MACROD2: variants seen among roughly 807,000 people sequenced by gnomAD.
MACROD2 encodes the protein mono-ADP ribosylhydrolase 2, also known as ADP-ribose glycohydrolase MACROD2.
MACROD2 carries 36 observed loss-of-function variants against 70.4 expected under a neutral mutation model. That is an observed-to-expected ratio of 0.51 (90% CI 0.39 to 0.68). MACROD2 has a LOEUF of 0.68. Among genes scored for constraint, MACROD2 ranks in the 30% least tolerant of loss-of-function variants. The probability of loss-of-function intolerance (pLI) is 0.00; values close to 1 mark genes in which losing one functional copy is unlikely to be tolerated. For missense variants in MACROD2, 496 were observed against 538.4 expected (o/e 0.92, Z 0.78); for synonymous variants, 172 against 178.8 (o/e 0.96, Z 0.30).
At chr20:15,193,439 T>A (rs1351771392) in intron 5 of MACROD2, among the ~76,000 whole-genome samples, 3 of 151,984 alleles carry the variant, frequency 2.0e-5, no homozygotes, top group Admixed American at 6.6e-5. Flanking sequence ...GGCCAGGAGT[T>A]TGAGACTAGC....
chr20:14,866,490 G>A (rs79223034), intron 5 of MACROD2, among the ~76,000 whole-genome samples: 2 of 152,054 alleles, frequency 1.3e-5, no homozygotes, highest in Non-Finnish European at 2.9e-5. Flanking sequence ...AAGTTGCAGT[G>A]GAAACAACAG....
chr20:14,855,657 G>C (rs1483684391), intron 5 of MACROD2, among the ~76,000 whole-genome samples: 1 of 101,950 alleles, frequency 9.8e-6, no homozygotes, highest in Non-Finnish European at 1.8e-5. Context: ...CTTATCTCTT[G>C]GTTTGACTGG....
chr20:14,784,140 G>T (rs970105677), intron 5 of MACROD2, among the ~76,000 whole-genome samples: 9 of 152,022 alleles, frequency 5.9e-5, no homozygotes, highest in Non-Finnish European at 1.2e-4. Context: ...GCGTAGACTG[G>T]ATATTCTCTT....
intron 8 of MACROD2, among the ~76,000 whole-genome samples, chr20:15,758,225 A>G (rs1010769499): frequency 6.7e-6 from 1 of 148,632 alleles, no homozygotes; most frequent in Non-Finnish European, 1.5e-5. Context: ...GGAATAATAC[A>G]TTCCTGTAAT....
At chr20:14,920,526 G>A (rs367763841) in intron 5 of MACROD2, among the ~76,000 whole-genome samples, 4 of 152,004 alleles carry the variant, frequency 2.6e-5, no homozygotes, top group East Asian at 1.9e-4. Flanking sequence ...ATTTCTTTGC[G>A]CTCTCATTTA....
intron 3 of MACROD2, chr20:14,324,321 G>A (rs1397968097): frequency 6.6e-6 from 1 of 152,322 alleles, no homozygotes; most frequent in Non-Finnish European, 1.5e-5. Context: ...ACAGAAAAGT[G>A]ATATGGTTTT....
chr20:14,191,525 C>T (rs753009527), intron 3 of MACROD2, among the ~76,000 whole-genome samples: 23 of 152,058 alleles, frequency 1.5e-4, no homozygotes, highest in Non-Finnish European at 2.6e-4. Context: ...CCTATACCCT[C>T]GTGGAGATAG....
At chr20:14,795,731 T>G (rs1354303629) in intron 5 of MACROD2, among the ~76,000 whole-genome samples, 1 of 152,044 alleles carries the variant, frequency 6.6e-6, no homozygotes, top group Admixed American at 6.6e-5. Context: ...TCATCAACCA[T>G]GTATCTGGAT....
intron 13 of MACROD2, among the ~76,000 whole-genome samples, chr20:15,985,615 G>T (rs1368962147): frequency 6.6e-6 from 1 of 152,210 alleles, no homozygotes; most frequent in South Asian, 2.1e-4. Context: ...TTCCACTGGG[G>T]CAATTTCCTA....
At chr20:14,625,410 A>C (rs1456994687) in intron 4 of MACROD2, among the ~76,000 whole-genome samples, 2 of 152,132 alleles carry the variant, frequency 1.3e-5, no homozygotes, top group East Asian at 3.9e-4. Context: ...AATGGTCATG[A>C]AGTGTGAAGA....
chr20:15,804,417 CA>C (rs2063751694), intron 8 of MACROD2, among the ~76,000 whole-genome samples: 1 of 152,198 alleles, frequency 6.6e-6, no homozygotes, highest in African/African-American at 2.4e-5. Context: ...TCCTATAAAT[CA>C]ATGACCTTTC....
chr20:14,497,318 A>C (rs899749122), intron 4 of MACROD2, among the ~76,000 whole-genome samples: 1 of 151,736 alleles, frequency 6.6e-6, no homozygotes, highest in Non-Finnish European at 1.5e-5. Flanking sequence ...TTTCAGATAC[A>C]TGTTCACCCA....
At chr20:15,508,118 C>T (rs1230524343) in intron 8 of MACROD2, among the ~76,000 whole-genome samples, 3 of 152,134 alleles carry the variant, frequency 2.0e-5, no homozygotes, top group Non-Finnish European at 2.9e-5. Flanking sequence ...GGACACCAAC[C>T]TACAGTCCTA....
intron 4 of MACROD2, among the ~76,000 whole-genome samples, chr20:14,541,829 T>C (rs997474898): frequency 1.3e-5 from 2 of 152,172 alleles, no homozygotes; most frequent in African/African-American, 4.8e-5. Context: ...CTTAAATGTC[T>C]TAAAAATATT....
chr20:15,054,945 G>A (rs1162752277), intron 5 of MACROD2, among the ~76,000 whole-genome samples: 3 of 106,122 alleles, frequency 2.8e-5, no homozygotes, highest in African/African-American at 1.1e-4. Flanking sequence ...GCCACATCTA[G>A]CTTTTTTTTT....
At chr20:14,258,306 C>T (rs1027523080) in intron 3 of MACROD2, among the ~76,000 whole-genome samples, 2 of 152,032 alleles carry the variant, frequency 1.3e-5, no homozygotes, top group Admixed American at 6.6e-5. Context: ...TTTAAAGAAT[C>T]TCCATACTGG....
intron 8 of MACROD2, among the ~76,000 whole-genome samples, chr20:15,827,407 A>G (rs1454727151): frequency 3.3e-5 from 5 of 152,214 alleles, no homozygotes; most frequent in African/African-American, 9.6e-5. Context: ...AATATTCTGT[A>G]CAAGTCTACT....
intron 3 of MACROD2, among the ~76,000 whole-genome samples, chr20:14,464,311 T>C (rs984229953): frequency 6.6e-6 from 1 of 152,130 alleles, no homozygotes; most frequent in Non-Finnish European, 1.5e-5. Flanking sequence ...GATTTTCTAG[T>C]TTATTTGCGT....
chr20:14,991,160 T>G (rs1048174521), intron 5 of MACROD2, among the ~76,000 whole-genome samples: 2 of 152,156 alleles, frequency 1.3e-5, no homozygotes, highest in African/African-American at 4.8e-5. Context: ...CCACCTTTCC[T>G]AATCCTTCTT....
Sources: gnomAD v4.1 joint callset for allele counts (sites outside exome capture counted in the v4.1 genomes callset) on GRCh38, gnomAD v4.1.1 for gene constraint, MANE v1.5 for transcripts, NCBI Gene and HGNC (gene_info 2026-07-23, HGNC 2026-07-21) for gene names.